Variants in FBXL17 observed in about 807,000 individuals in gnomAD.
FBXL17 encodes F-box/LRR-repeat protein 17.
A neutral mutation model predicts 66.2 loss-of-function variants in FBXL17; 22 were observed. The observed-to-expected ratio is 0.33, with a 90% CI of 0.24 to 0.47. The LOEUF is 0.47. Among genes scored for constraint, FBXL17 ranks in the 20% least tolerant of loss-of-function variants. The pLI is 1.00. For synonymous variants in FBXL17, 474 were observed against 400.5 expected, an observed-to-expected ratio of 1.18 and a Z score of -2.19; for missense variants, 878 against 948.2, an observed-to-expected ratio of 0.93 and a Z score of 0.97.
chr5:108,010,926 T>C (rs922783671), intron 7 of FBXL17, among the ~76,000 whole-genome samples: 4 of 152,078 alleles, frequency 2.6e-5, no homozygotes, highest in Non-Finnish European at 5.9e-5. Flanking sequence ...CCTAAATAAA[T>C]TGAACTCAGG....
At chr5:107,987,155 C>T (rs2112683573) in intron 7 of FBXL17, among the ~76,000 whole-genome samples, 1 of 152,058 alleles carries the variant, frequency 6.6e-6, no homozygotes, top group East Asian at 1.9e-4. Context: ...TAATATAGCA[C>T]ATAAAATTGA....
intron 4 of FBXL17, chr5:108,299,937 C>G (rs530865652): frequency 2.0e-6 from 1 of 499,504 alleles, no homozygotes; most frequent in Admixed American, 6.4e-5. Flanking sequence ...AATCTAGATC[C>G]TACATTTAAA....
At chr5:108,043,652 A>T (rs1445856469) in intron 6 of FBXL17, among the ~76,000 whole-genome samples, 1 of 152,192 alleles carries the variant, frequency 6.6e-6, no homozygotes, top group Non-Finnish European at 1.5e-5. Flanking sequence ...CCTGAAATTG[A>T]GTAAATGTAT....
At chr5:108,144,295 A>G (rs188724651) in intron 6 of FBXL17, among the ~76,000 whole-genome samples, 6 of 152,278 alleles carry the variant, frequency 3.9e-5, no homozygotes, top group Admixed American at 3.9e-4. Context: ...AACCAATTCT[A>G]TATGAACCCA....
intron 6 of FBXL17, among the ~76,000 whole-genome samples, chr5:108,042,146 G>A (rs1747072922): frequency 6.6e-6 from 1 of 152,092 alleles, no homozygotes; most frequent in Non-Finnish European, 1.5e-5. Context: ...CTGCCTCCGT[G>A]GCCTCCCAAA....
intron 1 of FBXL17, among the ~76,000 whole-genome samples, chr5:108,373,170 A>G (rs1189112328): frequency 6.8e-6 from 1 of 147,342 alleles, no homozygotes; most frequent in Admixed American, 6.8e-5. Flanking sequence ...TATAATTCTC[A>G]TATATACATA....
intron 4 of FBXL17, among the ~76,000 whole-genome samples, chr5:108,320,769 G>A (rs936834342): frequency 1.3e-5 from 2 of 151,688 alleles, no homozygotes; most frequent in African/African-American, 4.8e-5. Flanking sequence ...AATTCTGTAA[G>A]CCTCTAAAAA....
chr5:108,257,850 C>A (rs1044868180), intron 4 of FBXL17, among the ~76,000 whole-genome samples: 4 of 151,924 alleles, frequency 2.6e-5, no homozygotes, highest in Non-Finnish European at 5.9e-5. Context: ...GTACCTGGAC[C>A]GAGGAACTAA....
chr5:107,919,821 A>G (rs973878189), intron 7 of FBXL17, among the ~76,000 whole-genome samples: 2 of 152,140 alleles, frequency 1.3e-5, no homozygotes. Flanking sequence ...TTTTCTCCAG[A>G]TCACTTACCA....
chr5:108,354,973 A>C (rs2112514056), intron 3 of FBXL17, among the ~76,000 whole-genome samples: 1 of 152,198 alleles, frequency 6.6e-6, no homozygotes, highest in South Asian at 2.1e-4. Context: ...CTAACAAAAA[A>C]TGAGGGAATT....
chr5:108,181,252 G>T (rs1275678730), intron 6 of FBXL17, among the ~76,000 whole-genome samples: 2 of 152,118 alleles, frequency 1.3e-5, no homozygotes, highest in Non-Finnish European at 2.9e-5. Context: ...CTTAGAATCA[G>T]GGAGTGGATG....
At chr5:107,989,055 G>T (rs1478248441) in intron 7 of FBXL17, among the ~76,000 whole-genome samples, 1 of 151,856 alleles carries the variant, frequency 6.6e-6, no homozygotes, top group Non-Finnish European at 1.5e-5. Flanking sequence ...GCGACATTTT[G>T]ATACATACAT....
chr5:108,178,030 A>T (rs1400508039), intron 6 of FBXL17, among the ~76,000 whole-genome samples: 3 of 151,010 alleles, frequency 2.0e-5, no homozygotes, highest in African/African-American at 4.9e-5. Context: ...ATGGTTTCGT[A>T]TCTTATTTTT....
chr5:108,167,760 A>G (rs1752464426), intron 6 of FBXL17, among the ~76,000 whole-genome samples: 1 of 152,200 alleles, frequency 6.6e-6, no homozygotes. Flanking sequence ...TATTCTACAG[A>G]TTTAAGAAAG....
At chr5:108,153,245 T>C (rs1751839049) in intron 6 of FBXL17, among the ~76,000 whole-genome samples, 1 of 152,180 alleles carries the variant, frequency 6.6e-6, no homozygotes, top group Admixed American at 6.5e-5. Context: ...ATATTTTATC[T>C]GGCAATCCTG....
intron 5 of FBXL17, among the ~76,000 whole-genome samples, chr5:108,205,250 T>C (rs781588981): frequency 5.3e-5 from 8 of 152,122 alleles, no homozygotes; most frequent in Non-Finnish European, 1.0e-4. Flanking sequence ...TATTGGCCTA[T>C]GCACTTTTAT....
chr5:107,907,879 C>T (rs1257884416), intron 7 of FBXL17, among the ~76,000 whole-genome samples: 2 of 152,054 alleles, frequency 1.3e-5, no homozygotes, highest in Non-Finnish European at 2.9e-5. Flanking sequence ...TTGTGGAAGT[C>T]AGTGTGGTGA....
At chr5:108,361,540 G>A (rs1209068001) in intron 3 of FBXL17, among the ~76,000 whole-genome samples, 1 of 151,862 alleles carries the variant, frequency 6.6e-6, no homozygotes, top group Non-Finnish European at 1.5e-5. Flanking sequence ...GCATGCATGC[G>A]GCTTTCAAAA....
At chr5:108,307,648 G>C (rs1561520125) in intron 4 of FBXL17, among the ~76,000 whole-genome samples, 1 of 151,910 alleles carries the variant, frequency 6.6e-6, no homozygotes, top group East Asian at 1.9e-4. Context: ...CTCTGATTTT[G>C]TTTAACATAT....
Sources: allele counts gnomAD v4.1 joint callset (sites outside exome capture counted in the v4.1 genomes callset), GRCh38; gene constraint gnomAD v4.1.1; transcripts MANE v1.5; gene names NCBI Gene and HGNC (gene_info 2026-07-23, HGNC 2026-07-21).